The following PNPT1 variants were observed in gnomAD, a reference collection of about 807,000 sequenced individuals.
PNPT1 encodes the protein polyribonucleotide nucleotidyltransferase 1.
A neutral mutation model predicts 119.5 loss-of-function variants in PNPT1; 53 were observed. The ratio of observed to expected loss-of-function variants is 0.44; its 90% confidence interval spans 0.36 to 0.56. The LOEUF (loss-of-function observed/expected upper bound fraction) is 0.56, where lower values mean the gene tolerates loss of function less well. PNPT1 is among the 20% of genes least tolerant of loss of function. The pLI is 0.00. For synonymous variants in PNPT1, 357 were observed against 322.1 expected, an observed-to-expected ratio of 1.11 and a Z score of -1.16; for missense variants, 948 against 938.5, an observed-to-expected ratio of 1.01 and a Z score of -0.13.
intron 1 of PNPT1, among the ~76,000 whole-genome samples, chr2:55,692,827 C>G (rs1409364826): frequency 1.3e-5 from 2 of 152,112 alleles, no homozygotes; most frequent in African/African-American, 2.4e-5. Flanking sequence ...ATCTTGTACT[C>G]CTAACTTCAA....
intron 25 of PNPT1, among the ~76,000 whole-genome samples, chr2:55,642,185 TTAAAA>T (rs1364633511): frequency 1.3e-5 from 2 of 152,064 alleles, no homozygotes; most frequent in Non-Finnish European, 2.9e-5. Flanking sequence ...TCAGATATGT[TTAAAA>T]TAAGCCATCA....
chr2:55,687,090 T>C (rs1055654102), intron 2 of PNPT1, among the ~76,000 whole-genome samples: 1 of 151,702 alleles, frequency 6.6e-6, no homozygotes, highest in African/African-American at 2.4e-5. Context: ...GGCAGGTGCC[T>C]GTGGTCCCAG....
intron 13 of PNPT1, among the ~76,000 whole-genome samples, chr2:55,662,739 C>T (rs1371814054): frequency 1.3e-5 from 2 of 152,004 alleles, no homozygotes; most frequent in Non-Finnish European, 2.9e-5. Flanking sequence ...TAACATAATC[C>T]AGACACTCTA....
At chr2:55,681,461 A>C (rs1697246047) in intron 5 of PNPT1, among the ~76,000 whole-genome samples, 1 of 152,152 alleles carries the variant, frequency 6.6e-6, no homozygotes. Flanking sequence ...GGTTCCTATG[A>C]GAATCAGATA....
intron 8 of PNPT1, among the ~76,000 whole-genome samples, chr2:55,675,154 G>C (rs1026111456): frequency 1.3e-5 from 2 of 152,038 alleles, no homozygotes; most frequent in African/African-American, 4.8e-5. Flanking sequence ...TGTAATCCTA[G>C]CTATTCTAGA....
At chr2:55,661,629 T>G (rs1696579130) in intron 14 of PNPT1, among the ~76,000 whole-genome samples, 1 of 152,188 alleles carries the variant, frequency 6.6e-6, no homozygotes, top group African/African-American at 2.4e-5. Flanking sequence ...GTGTATTCAT[T>G]TGCTCTCGTT....
Position 55,687,693 on chromosome 2 carries a change from T to TA in PNPT1, c.173dup (p.Ser59IlefsTer19). 6.2e-7 allele frequency: 1 copy of TA among 1,602,778 alleles called. No homozygotes were observed. The highest frequency in any genetic ancestry group is 8.5e-7 in the Non-Finnish European group (1 of 1,175,768). ...CAAATCTGGCCAGCTTTCCAGAAGA[T>TA]ATTTCTAATTTCCTGTTTAAAAATA... On this transcript the variant is annotated frameshift_variant, in exon 2 of 28. Coordinates refer to ENST00000447944, the MANE Select transcript of PNPT1 (RefSeq NM_033109.5). LOFTEE classifies it high-confidence loss of function.
intron 4 of PNPT1, 71 bp from the exon 5 acceptor site, chr2:55,683,905 A>G: frequency 7.2e-7 from 1 of 1,394,652 alleles, no homozygotes; most frequent in Non-Finnish European, 1.0e-6. Context: ...CGTTTGAACT[A>G]ATATAGATAG....
In PNPT1 at chr2:55,636,139, A is replaced by G; in HGVS notation, c.*98T>C. ...AATAATTAAAATGTATTTATATTAT[A>G]TAGAAATCTACACAATGGAAGATAC... On this transcript the variant is annotated 3_prime_UTR_variant, in exon 28 of 28. Transcript: ENST00000447944. 1.3e-6 allele frequency: 1 copy of G among 796,774 alleles called. No homozygotes were observed. The highest frequency in any genetic ancestry group is 1.8e-6 in the Non-Finnish European group (1 of 555,814). The allele number at this position is 796,774 out of a possible 1,614,324, so 49.4% of individuals were successfully genotyped here. A position where few individuals can be genotyped will look rare whatever the true frequency, so the allele number is the denominator to read the frequency against.
At chr2:55,691,876 A>ATT (rs1475795171) in intron 1 of PNPT1, among the ~76,000 whole-genome samples, 20 of 18,524 alleles carry the variant, frequency 1.1e-3, no homozygotes, top group East Asian at 1.7e-3. Context: ...ATATATATAT[A>ATT]TATTTTTTTT....
At chr2:55,678,198 C>G (rs1388969468) in intron 8 of PNPT1, among the ~76,000 whole-genome samples, 1 of 152,156 alleles carries the variant, frequency 6.6e-6, no homozygotes, top group Non-Finnish European at 1.5e-5. Flanking sequence ...TAACTTTCAG[C>G]AAAAATTCCA....
At chr2:55,645,466 T>A (rs771335296) in intron 21 of PNPT1, 34 bp from the exon 22 acceptor site, 21 of 1,347,428 alleles carry the variant, frequency 1.6e-5, no homozygotes, top group Non-Finnish European at 2.1e-5. Context: ...TATAACTACA[T>A]AAAACAAATA....
At chr2:55,683,727 G>A in intron 5 of PNPT1, 58 bp downstream of exon 5, 2 of 1,442,716 alleles carry the variant, frequency 1.4e-6, no homozygotes, top group East Asian at 2.3e-5. Flanking sequence ...ATATTACAGA[G>A]ATTCATTAAG....
At chr2:55,643,646 C>T (rs1024827396) in intron 23 of PNPT1, among the ~76,000 whole-genome samples, 10 of 151,730 alleles carry the variant, frequency 6.6e-5, no homozygotes, top group African/African-American at 1.5e-4. Flanking sequence ...GACTCACAGT[C>T]GGGAGGATCA....
rs11400030 is a variant in PNPT1 at position 55,676,262 on chromosome 2, CAAAAAA to C, written c.680-3189_680-3184del. ...CGACAGAGTAAGACTCCATCTCAACCAAAAAAAAAAAAAAAAAAAAAAGAAGATTGC... is the reference window on the plus strand; with the variant it reads ...CGACAGAGTAAGACTCCATCTCAACCAAAAAAAAAAAAAAAAGAAGATTGC... On this transcript the variant is annotated intron_variant, in intron 8 of 27. Coordinates refer to ENST00000447944, the MANE Select transcript of PNPT1 (RefSeq NM_033109.5). Among the ~76,000 whole-genome samples, 265 of 82,850 alleles carry C rather than the reference CAAAAAA, an allele frequency of 3.2e-3. 1 individual carries two copies. The highest frequency in any genetic ancestry group is 0.012 in the African/African-American group (233 of 20,090). 54.4% of individuals were successfully genotyped at this position (82,850 alleles called of 152,430 possible).
intron 1 of PNPT1, among the ~76,000 whole-genome samples, chr2:55,691,230 G>A (rs1174747455): frequency 6.6e-6 from 1 of 152,212 alleles, no homozygotes; most frequent in African/African-American, 2.4e-5. Context: ...AATATCCTCA[G>A]TGATTTGATA....
chr2:55,654,761 A>C (rs1696331037), intron 18 of PNPT1, 139 bp downstream of exon 18: 1 of 649,730 alleles, frequency 1.5e-6, no homozygotes, highest in African/African-American at 1.8e-5. Flanking sequence ...TTTTTTGTAG[A>C]GATGAGGTCT....
At chr2:55,666,808 C>T (rs761613285) in intron 13 of PNPT1, among the ~76,000 whole-genome samples, 183 bp downstream of exon 13, 16 of 152,214 alleles carry the variant, frequency 1.1e-4, no homozygotes, top group Non-Finnish European at 1.9e-4. Context: ...TGCCACTGCA[C>T]TGGAGCCTGA....
chr2:55,679,061 G>C (rs1297822175), intron 8 of PNPT1, among the ~76,000 whole-genome samples: 1 of 152,120 alleles, frequency 6.6e-6, no homozygotes, highest in Non-Finnish European at 1.5e-5. Flanking sequence ...GCAGAGACAG[G>C]TTTCAAATCC....
Sources: allele counts gnomAD v4.1 joint callset (sites outside exome capture counted in the v4.1 genomes callset), GRCh38; gene constraint gnomAD v4.1.1; transcripts MANE v1.5; gene names NCBI Gene and HGNC (gene_info 2026-07-23, HGNC 2026-07-21).